The following CDKN1C variants were observed in gnomAD, a reference collection of about 807,000 sequenced individuals.
CDKN1C encodes cyclin dependent kinase inhibitor 1C, also known as cyclin-dependent kinase inhibitor 1C.
Under a neutral mutation model 16.5 loss-of-function variants are expected in CDKN1C, and 7 were observed. The ratio of observed to expected loss-of-function variants is 0.42; its 90% CI spans 0.24 to 0.80. CDKN1C has a LOEUF of 0.80. Ranked by LOEUF, CDKN1C falls within the 30% of genes least tolerant of loss-of-function variation. CDKN1C has a pLI of 0.26. For missense variants in CDKN1C, 429 were observed against 437.3 expected (o/e 0.98, Z 0.17); for synonymous variants, 288 against 214.4 (o/e 1.34, Z -3.00).
In CDKN1C at chr11:2,885,044, G is replaced by A. The variant is rs1060500175; in HGVS notation, c.413C>T (p.Pro138Leu). The change falls in exon 2 of 4, where the codon CCC becomes CTC. Residue 138 changes from proline (P) to leucine (L), a missense_variant. Transcript: ENST00000440480. ...GGCTGGAGCCAGGACCGGGACTGGG[G>A]GCGGGGTGGACGCCGGGGCCGGGAC... ...VPVPAPASTP[P>L]PVPVLAPAPA... 2.2e-6 allele frequency: 3 copies of A among 1,338,436 alleles called. No individual in the cohort carries two copies. The highest frequency in any genetic ancestry group is 2.9e-6 in the Non-Finnish European group (3 of 1,050,706). The allele number at this position is 1,338,436 out of a possible 1,614,324, so 82.9% of individuals were successfully genotyped here.
Position 2,885,466 on chromosome 11 carries a change from G to C in CDKN1C, c.-10C>G. The C allele has an allele frequency of 1.3e-6, 2 of 1,545,282 alleles. No individual in the cohort carries two copies. The highest frequency in any genetic ancestry group is 8.7e-7 in the Non-Finnish European group (1 of 1,147,340). ...CGACAAGACGCTCCATCGTGGATGT[G>C]CTGCGGAGGGACGCGTCGGACATGG... is the stretch of plus-strand genomic sequence containing the variant. On this transcript the variant is annotated splice_region_variant and 5_prime_UTR_variant, in exon 2 of 4. Transcript: ENST00000440480.
chr11:2,885,108 C>G lies in CDKN1C; in HGVS notation c.349G>C (p.Gly117Arg). The stretch of plus-strand genomic sequence containing the variant: ...AGCTGCTCCGGCGCCTCCTCGAGGC[C>G]GTCGAGGGACTCAGCGGCCGGCTCG... ...PLEPAAESLD[G>R]LEEAPEQLPS... The change falls in exon 2 of 4, where the codon GGC becomes CGC. Residue 117 changes from glycine to arginine, a missense_variant. Coordinates refer to ENST00000440480, the MANE Select transcript of CDKN1C (RefSeq NM_001122630.2). The G allele has an allele frequency of 1.4e-6, 2 of 1,443,542 alleles. No individual in the cohort carries two copies. The highest frequency in any genetic ancestry group is 2.7e-5 in the East Asian group (1 of 37,114). The allele number at this position is 1,443,542 out of a possible 1,614,324, so 89.4% of individuals were successfully genotyped here.
At position 2,884,077 on chromosome 11, in the gene CDKN1C, G is replaced by A. The variant is rs1384507877; in HGVS notation, c.845C>T (p.Ala282Val). 4.5e-6 allele frequency: 7 copies of A among 1,549,292 alleles called. No individual in the cohort carries two copies. The highest frequency in any genetic ancestry group is 6.1e-6 in the Non-Finnish European group (7 of 1,147,556). The change falls in exon 3 of 4, where the codon GCG becomes GTG. Residue 282 changes from alanine to valine, a missense_variant. By Grantham distance (64) the Ala-to-Val change is moderately conservative. Transcript: ENST00000440480. ...APEKSSGDVPAPCPSPSAAPG... is the reference protein window; with the variant it reads ...APEKSSGDVPVPCPSPSAAPG... ...GGCGGCGCTTGGAGAGGGACACGGCGCGGGGACATCGCCCGACGACTTCTC... is the reference window on the plus strand; with the variant it reads ...GGCGGCGCTTGGAGAGGGACACGGCACGGGGACATCGCCCGACGACTTCTC...
At chr11:2,884,458 T>G in intron 2 of CDKN1C, 1 of 300,156 alleles carries the variant, frequency 3.3e-6, no homozygotes, top group East Asian at 5.3e-5. Flanking sequence ...CGGCCGGGAT[T>G]CAGCCTCCCA....
At chr11:2,884,227 G>A (rs1228027634) in intron 2 of CDKN1C, 93 bp from the exon 3 acceptor site, 13 of 991,872 alleles carry the variant, frequency 1.3e-5, no homozygotes, top group Non-Finnish European at 1.5e-5. Context: ...GGGCCGGCCG[G>A]GGTGGGGGCG....
intron 2 of CDKN1C, 97 bp from the exon 3 acceptor site, chr11:2,884,231 G>A: frequency 2.1e-6 from 2 of 941,096 alleles, no homozygotes; most frequent in Non-Finnish European, 2.6e-6. Context: ...CGGCCGGGGT[G>A]GGGGCGCCGT....
rs765255367 is a variant in CDKN1C, at chr11:2,885,414, G to A, written c.43C>T (p.Arg15Cys). ...VARGTFPVLV[R>C]TSACRSLFGP... The stretch of plus-strand genomic sequence containing the variant: ...AAGAGGCTGCGGCAGGCGCTGGTGC[G>A]CACTAGTACTGGGAAGGTCCCACGG... Residue 15 changes from arginine (R) to cysteine (C), a missense_variant, in exon 2 of 4, where the codon CGC (arginine) becomes TGC (cysteine). Arg to Cys is a radical substitution (Grantham distance 180). Transcript: ENST00000440480. 1.3e-6 allele frequency: 2 copies of A among 1,552,884 alleles called. No homozygotes were observed. Among genetic ancestry groups the A allele is most frequent in the Non-Finnish European group, 1.7e-6 (2 of 1,151,686 alleles).
In CDKN1C at chr11:2,884,891, G is replaced by A; in HGVS notation, c.566C>T (p.Pro189Leu). 1 of 871,600 alleles carries A rather than the reference G, an allele frequency of 1.1e-6. No individual in the cohort carries two copies. Among genetic ancestry groups the A allele is most frequent in the Non-Finnish European group, 1.4e-6 (1 of 721,612 alleles). 54.0% of individuals were successfully genotyped at this position (871,600 alleles called of 1,614,324 possible). A position where few individuals can be genotyped will look rare whatever the true frequency, so the allele number is the denominator to read the frequency against. ...PAPAPVAAPAPAPAPAPAPAP... is the reference protein window; with the variant it reads ...PAPAPVAAPALAPAPAPAPAP... ...CGGGGCCGGGGCCGGGGCCGGGGCT[G>A]GGGCCGGGGCCGCGACTGGAGCCGG... Residue 189 changes from proline (P) to leucine (L), a missense_variant, in exon 2 of 4, where the codon CCA becomes CTA. By Grantham distance (98) the Pro-to-Leu change is moderately conservative. Transcript: ENST00000440480.
Position 2,885,013 on chromosome 11 carries a change from G to T in CDKN1C, c.444C>A (p.Ala148=), listed in dbSNP as rs1590150329. The T allele has an allele frequency of 4.2e-6, 5 of 1,193,660 alleles. No homozygotes were observed. Among genetic ancestry groups the T allele is most frequent in the Middle Eastern group, 3.2e-4 (1 of 3,140 alleles). The allele number at this position is 1,193,660 out of a possible 1,614,324, so 73.9% of individuals were successfully genotyped here. A position where few individuals can be genotyped will look rare whatever the true frequency, so the allele number is the denominator to read the frequency against. Residue 148 remains alanine, a synonymous_variant, in exon 2 of 4, where the codon GCC becomes GCA. Transcript: ENST00000440480. ...PPVPVLAPAP[A]PAPAPVAAPV... is the part of the protein sequence containing the mutation. ...GAGCCGCGACCGGAGCCGGAGCCGG[G>T]GCCGGGGCTGGAGCCAGGACCGGGA...
chr11:2,884,928 G>T lies in CDKN1C; in HGVS notation c.529C>A (p.Pro177Thr), dbSNP rs1474613343. ...LAPAPAPAPAPAPAPAPVAAP... is the reference protein window; with the variant it reads ...LAPAPAPAPATAPAPAPVAAP... ...GCGACTGGAGCCGGGGCCGGAGCCG[G>T]AGCCGGAGCCGGGGCCGGGGCCGGG... Residue 177 changes from proline to threonine, a missense_variant, in exon 2 of 4, where the codon CCG (proline) becomes ACG (threonine). Pro to Thr is a conservative substitution (Grantham distance 38). Transcript: ENST00000440480. The T allele has an allele frequency of 1.1e-6, 1 of 922,000 alleles. No individual in the cohort carries two copies. The highest frequency in any genetic ancestry group is 1.3e-6 in the Non-Finnish European group (1 of 749,158). 57.1% of individuals were successfully genotyped at this position (922,000 alleles called of 1,614,324 possible). A position where few individuals can be genotyped will look rare whatever the true frequency, so the allele number is the denominator to read the frequency against.
In CDKN1C at chr11:2,883,823, G is replaced by C; in HGVS notation, c.*98C>G. On this transcript the variant is annotated 3_prime_UTR_variant, in exon 4 of 4. Coordinates refer to ENST00000440480, the MANE Select transcript of CDKN1C (RefSeq NM_001122630.2). Reference sequence around the variant, plus strand: ...CGCTGCTCTGCGGCAGCCGCCGCCGGTTGCTGCTACATGAACGGTCCCAGC... The same window carrying C: ...CGCTGCTCTGCGGCAGCCGCCGCCGCTTGCTGCTACATGAACGGTCCCAGC... 6.5e-7 allele frequency: 1 copy of C among 1,527,776 alleles called. No homozygotes were observed. The highest frequency in any genetic ancestry group is 8.8e-7 in the Non-Finnish European group (1 of 1,141,180). The allele number at this position is 1,527,776 out of a possible 1,614,324, so 94.6% of individuals were successfully genotyped here. A position where few individuals can be genotyped will look rare whatever the true frequency, so the allele number is the denominator to read the frequency against.
chr11:2,884,209 CGGGGCGCGGGCCGGCCGGGGTG>C (rs1014681129), intron 2 of CDKN1C, 75 bp from the exon 3 acceptor site: 7 of 1,169,360 alleles, frequency 6.0e-6, no homozygotes, highest in African/African-American at 1.6e-5. Context: ...GGAGAGGGCG[CGGGGCGCGGGCCGGCCGGGGTG>C]GGGGCGCCGT....
In CDKN1C at chr11:2,885,726, T is replaced by A; in HGVS notation, c.-103A>T. 1 of 598,176 alleles carries A rather than the reference T, an allele frequency of 1.7e-6. No homozygotes were observed. Among genetic ancestry groups the A allele is most frequent in the Non-Finnish European group, 3.0e-6 (1 of 336,926 alleles). The allele number at this position is 598,176 out of a possible 1,614,324, so 37.1% of individuals were successfully genotyped here. A position where few individuals can be genotyped will look rare whatever the true frequency, so the allele number is the denominator to read the frequency against. On this transcript the variant is annotated 5_prime_UTR_variant, in exon 1 of 4. Coordinates refer to ENST00000440480, the MANE Select transcript of CDKN1C (RefSeq NM_001122630.2). ...CCTCGATGCCTGCTGGCTAGCTCGC[T>A]CGCTCAGGCCTGGCCGGCACCCCTC...
In CDKN1C at chr11:2,885,352, C is replaced by A. The variant is rs762337324; in HGVS notation, c.105G>T (p.Leu35=). The A allele has an allele frequency of 3.8e-6, 6 of 1,591,686 alleles. No individual in the cohort carries two copies. In the African/African-American group the frequency reaches 6.7e-5, roughly 18 times the overall value. The change falls in exon 2 of 4, where the codon CTG becomes CTT. Residue 35 remains leucine (L), a synonymous_variant. Coordinates refer to ENST00000440480, the MANE Select transcript of CDKN1C (RefSeq NM_001122630.2). ...CGTTCAGCTCGGCCAGGCGGGCCTG[C>A]AGCTCGCGGCTCAGCTCCTCGTGGT... is the stretch of plus-strand genomic sequence containing the variant. ...PVDHEELSRE[L]QARLAELNAE...
In CDKN1C at chr11:2,885,214, G is replaced by A; in HGVS notation, c.243C>T (p.Arg81=). 1.9e-6 allele frequency: 3 copies of A among 1,545,406 alleles called. No individual in the cohort carries two copies. Among genetic ancestry groups the A allele is most frequent in the Non-Finnish European group, 2.6e-6 (3 of 1,148,296 alleles). Residue 81 remains arginine, a synonymous_variant, in exon 2 of 4, where the codon CGC becomes CGT. Transcript: ENST00000440480. ...GGCAGCGCCCCACCTGCACCGTCTCGCGGTAGAACGCGGGCACCGAGTCGC... is the reference window on the plus strand; with the variant it reads ...GGCAGCGCCCCACCTGCACCGTCTCACGGTAGAACGCGGGCACCGAGTCGC... ...VDSDSVPAFY[R]ETVQVGRCRL... is the part of the protein sequence containing the mutation.
At position 2,883,846 on chromosome 11, in the gene CDKN1C, A is replaced by G; in HGVS notation, c.*75T>C. 6.5e-7 allele frequency: 1 copy of G among 1,546,294 alleles called. No homozygotes were observed. The highest frequency in any genetic ancestry group is 8.7e-7 in the Non-Finnish European group (1 of 1,146,964). On this transcript the variant is annotated 3_prime_UTR_variant, in exon 4 of 4. Coordinates refer to ENST00000440480, the MANE Select transcript of CDKN1C (RefSeq NM_001122630.2). The stretch of plus-strand genomic sequence containing the variant: ...CGGTTGCTGCTACATGAACGGTCCC[A>G]GCCGAGGCCCAGCGCCCTTCCAACG...
rs762619956 is a variant in CDKN1C at position 2,884,707 on chromosome 11, G to T, written c.750C>A (p.Gly250=). ...AAGTAAASAN[G]AAIKKLSGPL... ...GCCCGGACAGCTTCTTGATCGCCGC[G>T]CCGTTGGCGCTGGCGGCCGCGGTGC... The change falls in exon 2 of 4, where the codon GGC becomes GGA. Residue 250 remains glycine, a synonymous_variant. Coordinates refer to ENST00000440480, the MANE Select transcript of CDKN1C (RefSeq NM_001122630.2). 1.7e-5 allele frequency: 25 copies of T among 1,494,958 alleles called. 1 individual carries two copies. In the South Asian group the frequency reaches 3.0e-4, roughly 18 times the overall value. 92.6% of individuals were successfully genotyped at this position (1,494,958 alleles called of 1,614,324 possible).
Position 2,884,942 on chromosome 11 carries a change from G to C in CDKN1C, c.515C>G (p.Ala172Gly). 1.0e-6 allele frequency: 1 copy of C among 974,422 alleles called. No individual in the cohort carries two copies. Among genetic ancestry groups the C allele is most frequent in the Non-Finnish European group, 1.3e-6 (1 of 782,042 alleles). The allele number at this position is 974,422 out of a possible 1,614,324, so 60.4% of individuals were successfully genotyped here. A position where few individuals can be genotyped will look rare whatever the true frequency, so the allele number is the denominator to read the frequency against. ...GGCCGGAGCCGGAGCCGGAGCCGGG[G>C]CCGGGGCCGGGGCCAGGACCGCGAC... is the stretch of plus-strand genomic sequence containing the variant. ...VAVAVLAPAP[A>G]PAPAPAPAPA... Residue 172 changes from alanine (A) to glycine (G), a missense_variant, in exon 2 of 4, where the codon GCC becomes GGC. Coordinates refer to ENST00000440480, the MANE Select transcript of CDKN1C (RefSeq NM_001122630.2).
In CDKN1C at chr11:2,885,032, A is replaced by G. The variant is rs1848953221; in HGVS notation, c.425T>C (p.Val142Ala). 1 of 1,300,666 alleles carries G rather than the reference A, an allele frequency of 7.7e-7. No individual in the cohort carries two copies. Among genetic ancestry groups the G allele is most frequent in the Non-Finnish European group, 9.8e-7 (1 of 1,024,310 alleles). The allele number at this position is 1,300,666 out of a possible 1,614,324, so 80.6% of individuals were successfully genotyped here. A position where few individuals can be genotyped will look rare whatever the true frequency, so the allele number is the denominator to read the frequency against. Residue 142 changes from valine to alanine, a missense_variant, in exon 2 of 4, where the codon GTC becomes GCC. Coordinates refer to ENST00000440480, the MANE Select transcript of CDKN1C (RefSeq NM_001122630.2). ...APASTPPPVPVLAPAPAPAPA... is the reference protein window; with the variant it reads ...APASTPPPVPALAPAPAPAPA... ...AGCCGGGGCCGGGGCTGGAGCCAGG[A>G]CCGGGACTGGGGGCGGGGTGGACGC... is the stretch of plus-strand genomic sequence containing the variant.
Sources: allele counts gnomAD v4.1 joint callset, GRCh38; gene constraint gnomAD v4.1.1; transcripts MANE v1.5; gene names NCBI Gene and HGNC (gene_info 2026-07-23, HGNC 2026-07-21).